CWC27: variants seen among roughly 807,000 people sequenced by gnomAD.
CWC27 encodes CWC27 spliceosome associated cyclophilin, also known as spliceosome-associated protein CWC27 homolog.
CWC27 carries 47 observed loss-of-function variants against 63.6 expected under a neutral mutation model. The ratio of observed to expected loss-of-function variants is 0.74; its 90% CI spans 0.58 to 0.94. The LOEUF is 0.94. Ranked by LOEUF, CWC27 falls within the 40% of genes least tolerant of loss-of-function variation. The pLI is 0.00. For missense variants in CWC27, 495 were observed against 554.3 expected (o/e 0.89, Z 1.07); for synonymous variants, 175 against 179.8 (o/e 0.97, Z 0.22).
chr5:64,843,845 G>A (rs1208510713), intron 10 of CWC27, among the ~76,000 whole-genome samples: 3 of 151,972 alleles, frequency 2.0e-5, no homozygotes, highest in Non-Finnish European at 4.4e-5. Flanking sequence ...ACAGGGTCTG[G>A]TGCCTAGTGA....
chr5:64,907,837 C>A (rs1747688170), intron 11 of CWC27, among the ~76,000 whole-genome samples: 1 of 149,700 alleles, frequency 6.7e-6, no homozygotes, highest in Non-Finnish European at 1.5e-5. Flanking sequence ...TATGTCCCAG[C>A]TCCTGGATTC....
At chr5:64,936,400 G>A (rs988253339) in intron 11 of CWC27, among the ~76,000 whole-genome samples, 12 of 152,156 alleles carry the variant, frequency 7.9e-5, no homozygotes, top group South Asian at 6.2e-4. Context: ...GATGGATTAC[G>A]TTTATTGATT....
At position 64,876,540 on chromosome 5, in the gene CWC27, A is replaced by G. The variant is rs1356797943; in HGVS notation, c.939-8903A>G. On this transcript the variant is annotated intron_variant, in intron 10 of 13. Transcript: ENST00000381070. ...ATCAGCTTGTTTAACAAGGCCTCTA[A>G]GCAAGTTCATTTACCATCATATATA... is the stretch of plus-strand genomic sequence containing the variant. Among the ~76,000 whole-genome samples the G allele has an allele frequency of 1.2e-4, 18 of 152,242 alleles. No homozygotes were observed. The East Asian group carries it at 3.5e-3, about 29-fold the overall frequency.
intron 13 of CWC27, among the ~76,000 whole-genome samples, chr5:64,983,321 A>G (rs1376539972): frequency 6.6e-6 from 1 of 152,224 alleles, no homozygotes; most frequent in Non-Finnish European, 1.5e-5. Context: ...TGATAGGAGC[A>G]TATCTGCTTT....
At chr5:64,940,165 G>GA (rs933893605) in intron 11 of CWC27, among the ~76,000 whole-genome samples, 6 of 151,870 alleles carry the variant, frequency 4.0e-5, no homozygotes, top group African/African-American at 1.2e-4. Context: ...ACTGGGGTAT[G>GA]AAAAAAAACC....
intron 13 of CWC27, among the ~76,000 whole-genome samples, chr5:64,981,422 A>G (rs1749329716): frequency 6.6e-6 from 1 of 152,152 alleles, no homozygotes; most frequent in Non-Finnish European, 1.5e-5. Context: ...TGTAATTTTT[A>G]TCTTTTGTAT....
At chr5:64,830,581 C>A (rs1379509627) in intron 10 of CWC27, among the ~76,000 whole-genome samples, 1 of 152,042 alleles carries the variant, frequency 6.6e-6, no homozygotes, top group Non-Finnish European at 1.5e-5. Context: ...CAAATGGGAT[C>A]TAATTAAACT....
chr5:64,950,940 A>G (rs1748694399), intron 11 of CWC27, among the ~76,000 whole-genome samples: 1 of 151,982 alleles, frequency 6.6e-6, no homozygotes, highest in African/African-American at 2.4e-5. Flanking sequence ...CATCTATTGT[A>G]TCAGGTTTTT....
chr5:64,792,449 C>T (rs1459590022), intron 7 of CWC27, among the ~76,000 whole-genome samples: 1 of 152,126 alleles, frequency 6.6e-6, no homozygotes, highest in African/African-American at 2.4e-5. Context: ...TGAAATGTCC[C>T]ATCACACCTC....
intron 1 of CWC27, 32 bp downstream of exon 1, chr5:64,769,220 TG>T: frequency 6.2e-7 from 1 of 1,605,768 alleles, no homozygotes; most frequent in South Asian, 1.1e-5. Context: ...CTTGGGGTCC[TG>T]GGATCCCCAA....
At chr5:64,906,936 T>C in intron 11 of CWC27, among the ~76,000 whole-genome samples, 1 of 152,190 alleles carries the variant, frequency 6.6e-6, no homozygotes, top group Non-Finnish European at 1.5e-5. Context: ...CCTTTCCCCA[T>C]TTTGTGTTTT....
At chr5:64,976,195 T>C (rs1366211920) in intron 12 of CWC27, among the ~76,000 whole-genome samples, 4 of 152,242 alleles carry the variant, frequency 2.6e-5, no homozygotes, top group Admixed American at 6.5e-5. Context: ...GTATGAGTAA[T>C]GCTGCAGTGC....
At chr5:64,861,912 T>G (rs138784002) in intron 10 of CWC27, among the ~76,000 whole-genome samples, 198 of 152,360 alleles carry the variant, frequency 1.3e-3, no homozygotes, top group African/African-American at 4.5e-3. Flanking sequence ...TGATAACGAT[T>G]TTAATACAAT....
intron 10 of CWC27, among the ~76,000 whole-genome samples, chr5:64,878,748 T>C (rs887117154): frequency 6.6e-6 from 1 of 151,846 alleles, no homozygotes; most frequent in African/African-American, 2.4e-5. Context: ...CAAAGGAGTA[T>C]GTGTACTGAA....
chr5:64,977,162 T>A lies in CWC27; in HGVS notation c.1180T>A (p.Ser394Thr). 1 of 1,611,982 alleles carries A rather than the reference T, an allele frequency of 6.2e-7. No homozygotes were observed. Among genetic ancestry groups the A allele is most frequent in the East Asian group, 2.2e-5 (1 of 44,798 alleles). ...QTLALLNQFK[S>T]KLTQAIAETP... is the part of the protein sequence containing the mutation. ...CCTTGCACTGCTGAACCAGTTTAAA[T>A]CTAAACTCACTCAAGCAATTGCTGA... is the stretch of plus-strand genomic sequence containing the variant. The change falls in exon 13 of 14, where the codon TCT becomes ACT. Residue 394 changes from serine to threonine, a missense_variant. By Grantham distance (58) the Ser-to-Thr change is moderately conservative (BLOSUM62 1). Coordinates refer to ENST00000381070, the MANE Select transcript of CWC27 (RefSeq NM_005869.4).
At chr5:64,811,896 A>G (rs1744888814) in intron 10 of CWC27, among the ~76,000 whole-genome samples, 1 of 152,060 alleles carries the variant, frequency 6.6e-6, no homozygotes, top group Non-Finnish European at 1.5e-5. Context: ...GGTCTGGATG[A>G]ACACCTAAAT....
In CWC27 at chr5:64,817,192, C is replaced by G. The variant is rs551247727; in HGVS notation, c.938+12806C>G. On this transcript the variant is annotated intron_variant, in intron 10 of 13. Transcript: ENST00000381070. ...TTTCAGGCCTCTGCACTTCTAGTTA[C>G]CTCAGCATGAAACTTTCTTCTCTGA... is the stretch of plus-strand genomic sequence containing the variant. Among the ~76,000 whole-genome samples, 128 of 152,208 alleles carry G rather than the reference C, an allele frequency of 8.4e-4. 2 individuals carry two copies. In the Middle Eastern group the frequency reaches 0.01, roughly 12 times the overall value.
chr5:64,786,780 G>A (rs1743901605), intron 6 of CWC27, among the ~76,000 whole-genome samples, 153 bp downstream of exon 6: 2 of 152,114 alleles, frequency 1.3e-5, no homozygotes, highest in South Asian at 4.1e-4. Flanking sequence ...GGTTGTATTA[G>A]TTCATTTTTA....
At chr5:65,011,761 G>T (rs982753823) in intron 13 of CWC27, among the ~76,000 whole-genome samples, 3 of 152,240 alleles carry the variant, frequency 2.0e-5, no homozygotes, top group African/African-American at 7.2e-5. Flanking sequence ...TTCGATGGCT[G>T]AGAGGAGATT....
Sources: allele counts gnomAD v4.1 joint callset (sites outside exome capture counted in the v4.1 genomes callset), GRCh38; gene constraint gnomAD v4.1.1; transcripts MANE v1.5; gene names NCBI Gene and HGNC (gene_info 2026-07-23, HGNC 2026-07-21).